Variants in HIP1 observed in about 807,000 individuals in gnomAD.
The protein encoded by HIP1 is huntingtin-interacting protein 1.
HIP1 carries 65 observed loss-of-function variants against 147.6 expected under a neutral mutation model. The observed-to-expected ratio is 0.44, with a 90% CI of 0.36 to 0.54. The LOEUF (loss-of-function observed/expected upper bound fraction) is 0.54. Ranked by LOEUF, HIP1 falls within the 20% of genes least tolerant of loss-of-function variation. The pLI is 0.00. For missense variants in HIP1, 1,061 were observed against 1,299.6 expected (o/e 0.82, Z 2.82); for synonymous variants, 479 against 504.0 (o/e 0.95, Z 0.67).
At chr7:75,558,577 T>C (rs1164110781) in intron 14 of HIP1, among the ~76,000 whole-genome samples, 1 of 152,166 alleles carries the variant, frequency 6.6e-6, no homozygotes, top group Non-Finnish European at 1.5e-5. Flanking sequence ...GATCCTCCCA[T>C]CTCAGTGGGA....
intron 1 of HIP1, among the ~76,000 whole-genome samples, chr7:75,680,763 C>T (rs782168406): frequency 3.3e-5 from 5 of 151,984 alleles, no homozygotes; most frequent in Non-Finnish European, 7.4e-5. Context: ...GCATGTGCCA[C>T]CACGCCCGGC....
intron 1 of HIP1, among the ~76,000 whole-genome samples, chr7:75,634,965 A>C (rs1404550641): frequency 7.0e-6 from 1 of 142,440 alleles, no homozygotes; most frequent in Admixed American, 7.1e-5. Flanking sequence ...AAAAAAAAAA[A>C]AGGAAACAAA....
intron 18 of HIP1, 30 bp downstream of exon 18, chr7:75,555,996 T>C (rs1794988866): frequency 6.2e-7 from 1 of 1,611,422 alleles, no homozygotes. Context: ...AATTCACAGG[T>C]GCTCGCTCGT....
chr7:75,661,537 C>T (rs1344152845), intron 1 of HIP1, among the ~76,000 whole-genome samples: 3 of 143,636 alleles, frequency 2.1e-5, no homozygotes, highest in African/African-American at 7.9e-5. Context: ...CATGCCGCTG[C>T]ACTCCAGCCT....
chr7:75,697,486 C>T (rs1554518852), intron 1 of HIP1, among the ~76,000 whole-genome samples: 1 of 151,908 alleles, frequency 6.6e-6, no homozygotes, highest in African/African-American at 2.4e-5. Flanking sequence ...CAAGTTTCTC[C>T]TGGATGTATT....
At chr7:75,689,475 G>C (rs1800374170) in intron 1 of HIP1, among the ~76,000 whole-genome samples, 1 of 152,114 alleles carries the variant, frequency 6.6e-6, no homozygotes, top group Admixed American at 6.6e-5. Flanking sequence ...TTGTATTCCA[G>C]CCTGGGCAAC....
chr7:75,669,500 TG>T (rs1554515035), intron 1 of HIP1, among the ~76,000 whole-genome samples: 1 of 151,774 alleles, frequency 6.6e-6, no homozygotes, highest in African/African-American at 2.4e-5. Context: ...AGGCAGAGGT[TG>T]CAGTCAGCCA....
intron 7 of HIP1, among the ~76,000 whole-genome samples, chr7:75,579,012 G>A (rs113987505): frequency 0.021 from 3,144 of 151,902 alleles, 112 homozygotes; most frequent in African/African-American, 0.072. Context: ...TAGAGATGGC[G>A]TTTCACCATG....
chr7:75,714,150 C>T (rs1345554593), intron 1 of HIP1, among the ~76,000 whole-genome samples: 2 of 151,804 alleles, frequency 1.3e-5, no homozygotes, highest in African/African-American at 4.8e-5. Flanking sequence ...AGTGATTCTC[C>T]TGCCTCAGCC....
chr7:75,661,811 G>A (rs1271747711), intron 1 of HIP1, among the ~76,000 whole-genome samples: 1 of 151,972 alleles, frequency 6.6e-6, no homozygotes, highest in Non-Finnish European at 1.5e-5. Flanking sequence ...GGGGGAGGAT[G>A]GGCAGTGGGA....
Position 75,552,008 on chromosome 7 carries a change from G to C in HIP1, c.2295+1445C>G, listed in dbSNP as rs587637584. Among the ~76,000 whole-genome samples, 5 of 152,200 alleles carry C rather than the reference G, an allele frequency of 3.3e-5. No homozygotes were observed. The South Asian group carries it at 8.3e-4, about 25-fold the overall frequency. ...AGGTTCAAGTGATTCTCCTGCCTCA[G>C]CCTCCTAAGTAGCTGGGATTACAGG... On this transcript the variant is annotated intron_variant, in intron 22 of 30. Coordinates refer to ENST00000336926, the MANE Select transcript of HIP1 (RefSeq NM_005338.7).
chr7:75,646,182 C>T (rs991596330), intron 1 of HIP1, among the ~76,000 whole-genome samples: 2 of 152,130 alleles, frequency 1.3e-5, no homozygotes, highest in African/African-American at 2.4e-5. Context: ...CGGGTTCAAA[C>T]GATTCTCCCA....
intron 1 of HIP1, among the ~76,000 whole-genome samples, chr7:75,721,476 C>T (rs1030806325): frequency 2.0e-5 from 3 of 151,686 alleles, no homozygotes; most frequent in Non-Finnish European, 4.4e-5. Flanking sequence ...CTGCAGTGAG[C>T]TATGTTCACA....
At chr7:75,616,076 ACT>A (rs1376118530) in intron 1 of HIP1, among the ~76,000 whole-genome samples, 3 of 108,306 alleles carry the variant, frequency 2.8e-5, no homozygotes, top group Non-Finnish European at 5.4e-5. Flanking sequence ...ACAGAGTAAG[ACT>A]CTGTCTCAAA....
intron 1 of HIP1, among the ~76,000 whole-genome samples, chr7:75,724,195 G>A (rs1801586016): frequency 6.6e-6 from 1 of 151,994 alleles, no homozygotes; most frequent in African/African-American, 2.4e-5. Flanking sequence ...GACCTCAGGT[G>A]ATCCGCCTTG....
At chr7:75,634,064 T>C (rs1382471456) in intron 1 of HIP1, among the ~76,000 whole-genome samples, 1 of 152,046 alleles carries the variant, frequency 6.6e-6, no homozygotes, top group African/African-American at 2.4e-5. Context: ...TAGACCATAC[T>C]GGGCAACATA....
chr7:75,556,189 G>GA lies in HIP1; in HGVS notation c.1684-21dup. 1 of 1,612,708 alleles carries GA rather than the reference G, an allele frequency of 6.2e-7. No homozygotes were observed. The highest frequency in any genetic ancestry group is 8.5e-7 in the Non-Finnish European group (1 of 1,179,452). On this transcript the variant is annotated intron_variant, in intron 17 of 30. Coordinates refer to ENST00000336926, the MANE Select transcript of HIP1 (RefSeq NM_005338.7). ...TTCTGACTGCAAAGGTGACCACAAG[G>GA]AAAGAGGGAGACGCTGGTTGAGTTA...
At chr7:75,543,287 CT>C (rs1488809841) in intron 27 of HIP1, among the ~76,000 whole-genome samples, 1 of 152,164 alleles carries the variant, frequency 6.6e-6, no homozygotes. Context: ...TACTGTGAAA[CT>C]CTTAAAAAGG....
At chr7:75,654,055 C>T (rs1235202223) in intron 1 of HIP1, among the ~76,000 whole-genome samples, 1 of 152,138 alleles carries the variant, frequency 6.6e-6, no homozygotes, top group African/African-American at 2.4e-5. Flanking sequence ...AGCAGGGGCA[C>T]TTACAGAGCA....
Sources: gnomAD v4.1 joint callset for allele counts (sites outside exome capture counted in the v4.1 genomes callset) on GRCh38, gnomAD v4.1.1 for gene constraint, MANE v1.5 for transcripts, NCBI Gene and HGNC (gene_info 2026-07-23, HGNC 2026-07-21) for gene names.